PACRG: variants seen among roughly 807,000 people sequenced by gnomAD.
The protein encoded by PACRG is parkin coregulated gene protein.
A neutral mutation model predicts 29.7 loss-of-function variants in PACRG; 29 were observed. The ratio of observed to expected loss-of-function variants is 0.98; its 90% CI spans 0.73 to 1.33. The LOEUF is 1.33. PACRG is among the 40% of genes most tolerant of loss of function. PACRG has a pLI of 0.00. For synonymous variants in PACRG, 116 were observed against 118.7 expected, an observed-to-expected ratio of 0.98 and a Z score of 0.15; for missense variants, 279 against 316.2, an observed-to-expected ratio of 0.88 and a Z score of 0.89.
In PACRG at chr6:162,747,355, TATATATATAC is replaced by T. The variant is rs1469450272; in HGVS notation, c.156+18966_156+18975del. Among the ~76,000 whole-genome samples the T allele has an allele frequency of 7.3e-4, 54 of 73,688 alleles. 4 individuals carry two copies. The highest frequency in any genetic ancestry group is 1.3e-3 in the South Asian group (2 of 1,546). 48.3% of individuals were successfully genotyped at this position (73,688 alleles called of 152,430 possible). On this transcript the variant is annotated intron_variant, in intron 1 of 4. Transcript: ENST00000366888. Reference sequence around the variant, plus strand: ...ATATATATATATATATATATATATATATATATATACACATACATATATATGTATATATATG... The same window carrying T: ...ATATATATATATATATATATATATATACATACATATATATGTATATATATG...
intron 2 of PACRG, among the ~76,000 whole-genome samples, chr6:162,964,468 A>G (rs572625330): frequency 2.0e-5 from 3 of 152,302 alleles, no homozygotes; most frequent in African/African-American, 7.2e-5. Context: ...CTTTAGTAAG[A>G]AAGAGAAGAT....
At chr6:162,915,272 C>CT (rs1337452829) in intron 2 of PACRG, among the ~76,000 whole-genome samples, 1,851 of 145,448 alleles carry the variant, frequency 0.013, 37 homozygotes, top group African/African-American at 0.041. Flanking sequence ...TTAAAATAAT[C>CT]TTTTTTTTTT....
chr6:163,225,294 T>C (rs540947292), intron 4 of PACRG, among the ~76,000 whole-genome samples: 6 of 152,326 alleles, frequency 3.9e-5, no homozygotes, highest in African/African-American at 1.4e-4. Flanking sequence ...TGGGAGGTGA[T>C]TGGATCACAG....
At chr6:162,738,855 T>A (rs1780361498) in intron 1 of PACRG, among the ~76,000 whole-genome samples, 1 of 152,214 alleles carries the variant, frequency 6.6e-6, no homozygotes, top group Admixed American at 6.5e-5. Flanking sequence ...CAGGAATGCA[T>A]GTCCTGTTAA....
At chr6:162,775,082 T>A (rs1239090606) in intron 1 of PACRG, among the ~76,000 whole-genome samples, 4 of 152,140 alleles carry the variant, frequency 2.6e-5, no homozygotes, top group Admixed American at 2.6e-4. Flanking sequence ...TATGGAGGCC[T>A]CATGAATAGC....
chr6:162,980,003 A>T, intron 2 of PACRG, among the ~76,000 whole-genome samples: 1 of 150,374 alleles, frequency 6.7e-6, no homozygotes. Flanking sequence ...AAAAATTTAT[A>T]TTTAGAAAGA....
At chr6:163,093,293 G>A (rs775313899) in intron 4 of PACRG, among the ~76,000 whole-genome samples, 2 of 152,174 alleles carry the variant, frequency 1.3e-5, no homozygotes, top group African/African-American at 2.4e-5. Flanking sequence ...AATTTTGGAC[G>A]TAAAACATGC....
chr6:163,231,579 C>T (rs1039149519), intron 4 of PACRG, among the ~76,000 whole-genome samples: 5 of 152,132 alleles, frequency 3.3e-5, no homozygotes, highest in Admixed American at 1.3e-4. Context: ...AGCCCAGATC[C>T]GCTGAGCCAG....
At chr6:162,929,035 GATTCC>G (rs1797657655) in intron 2 of PACRG, among the ~76,000 whole-genome samples, 1 of 151,958 alleles carries the variant, frequency 6.6e-6, no homozygotes, top group Non-Finnish European at 1.5e-5. Context: ...CACTTACGTT[GATTCC>G]ATTGTTTGCC....
chr6:162,729,242 A>C (rs780941613), intron 1 of PACRG, among the ~76,000 whole-genome samples: 7 of 152,344 alleles, frequency 4.6e-5, no homozygotes, highest in Admixed American at 1.3e-4. Context: ...TGAGGCATTA[A>C]ATAATAAATG....
chr6:162,929,677 C>T (rs547672927), intron 2 of PACRG, among the ~76,000 whole-genome samples: 2 of 152,004 alleles, frequency 1.3e-5, no homozygotes, highest in South Asian at 4.2e-4. Flanking sequence ...GAGCATTTTC[C>T]CCAATGATCT....
intron 2 of PACRG, among the ~76,000 whole-genome samples, chr6:162,883,712 G>GTGTGTGTGTGTGTGTGTA (rs148140118): frequency 6.0e-5 from 9 of 149,976 alleles, no homozygotes; most frequent in South Asian, 4.2e-4. Context: ...GTGTGTGTGT[G>GTGTGTGTGTGTGTGTGTA]TGTATGTATG....
intron 2 of PACRG, among the ~76,000 whole-genome samples, chr6:162,932,238 G>A (rs939845887): frequency 6.6e-6 from 1 of 151,974 alleles, no homozygotes; most frequent in African/African-American, 2.4e-5. Flanking sequence ...GTGACAGAAA[G>A]CATGGGGTGG....
chr6:162,912,651 A>C (rs1469928236), intron 2 of PACRG, among the ~76,000 whole-genome samples: 1 of 149,774 alleles, frequency 6.7e-6, no homozygotes, highest in Non-Finnish European at 1.5e-5. Context: ...AGCTCAGTGC[A>C]ACCTCTGACT....
chr6:163,051,225 T>C (rs973908353), intron 2 of PACRG: 8 of 152,250 alleles, frequency 5.3e-5, no homozygotes, highest in African/African-American at 1.7e-4. Context: ...AAATTATTTA[T>C]CTTGAGATTT....
chr6:163,301,403 A>G (rs186949630), intron 4 of PACRG, among the ~76,000 whole-genome samples: 42 of 152,342 alleles, frequency 2.8e-4, no homozygotes, highest in African/African-American at 1.0e-3. Context: ...TAAGCTATAA[A>G]TTGTTTGCTC....
chr6:163,014,540 A>G (rs1196281970), intron 2 of PACRG, among the ~76,000 whole-genome samples: 1 of 151,370 alleles, frequency 6.6e-6, no homozygotes, highest in African/African-American at 2.4e-5. Context: ...TTACTTCTTA[A>G]TAATAGCCAT....
At chr6:162,852,691 G>A (rs1791026220) in intron 2 of PACRG, among the ~76,000 whole-genome samples, 1 of 152,028 alleles carries the variant, frequency 6.6e-6, no homozygotes, top group African/African-American at 2.4e-5. Context: ...CATTAATTTC[G>A]AGCCTATGTT....
intron 1 of PACRG, among the ~76,000 whole-genome samples, chr6:162,803,279 C>A (rs568756579): frequency 4.6e-5 from 7 of 152,120 alleles, no homozygotes; most frequent in African/African-American, 1.7e-4. Flanking sequence ...TCATGGAGAC[C>A]AAGGAGGAGC....
Sources: allele counts gnomAD v4.1 joint callset (sites outside exome capture counted in the v4.1 genomes callset), GRCh38; gene constraint gnomAD v4.1.1; transcripts MANE v1.5; gene names NCBI Gene and HGNC (gene_info 2026-07-23, HGNC 2026-07-21).